The following PSMG2 variants were observed in gnomAD, a reference collection of about 807,000 sequenced individuals.
PSMG2 encodes proteasome assembly chaperone 2.
In PSMG2, 21 loss-of-function variants were observed where a neutral mutation model predicts 31.5. The observed-to-expected ratio is 0.67, with a 90% CI of 0.47 to 0.96. PSMG2 has a LOEUF of 0.96. Ranked by LOEUF, PSMG2 falls within the 40% of genes least tolerant of loss-of-function variation. The pLI is 0.00. For synonymous variants in PSMG2, 120 were observed against 110.4 expected, an observed-to-expected ratio of 1.09 and a Z score of -0.54; for missense variants, 318 against 321.2, an observed-to-expected ratio of 0.99 and a Z score of 0.08.
rs2040347065 is a variant in PSMG2 at position 12,713,164 on chromosome 18, A to AGT, written c.288+407_288+408dup. The stretch of plus-strand genomic sequence containing the variant: ...CCACTGCTGTCATTGAGTGCAAACC[A>AGT]GTGTCATCTTCATGCCCCTGACTAA... On this transcript the variant is annotated intron_variant, in intron 3 of 6. Coordinates refer to ENST00000317615, the MANE Select transcript of PSMG2 (RefSeq NM_020232.5). Among the ~76,000 whole-genome samples, 4 of 152,330 alleles carry AGT rather than the reference A, an allele frequency of 2.6e-5. No individual in the cohort carries two copies. In the South Asian group the frequency reaches 8.3e-4, roughly 32 times the overall value.
At chr18:12,666,750 A>C (rs8083217) in intron 1 of PSMG2, among the ~76,000 whole-genome samples, 55,454 of 145,588 alleles carry the variant, frequency 0.38, 10,646 homozygotes, top group Non-Finnish European at 0.45. Context: ...CACCCGGCCA[A>C]AAAAAAAAAA....
In PSMG2 at chr18:12,693,665, C is replaced by A. The variant is rs1173035278; in HGVS notation, c.-36-12885C>A. Among the ~76,000 whole-genome samples, 3 of 152,082 alleles carry A rather than the reference C, an allele frequency of 2.0e-5. No homozygotes were observed. The East Asian group carries it at 5.8e-4, about 29-fold the overall frequency. ...GGGCGTGGTGGCACCCACCTGTAGT[C>A]CCAGCTACTCAGGAGACTGAGGCAG... On this transcript the variant is annotated intron_variant, in intron 1 of 6. Transcript: ENST00000585331.
At chr18:12,724,364 G>A in intron 5 of PSMG2, 135 bp from the exon 6 acceptor site, 2 of 871,018 alleles carry the variant, frequency 2.3e-6, no homozygotes, top group Admixed American at 3.7e-5. Context: ...GAAGGGAGAT[G>A]ATAAGTGATC....
intron 1 of PSMG2, among the ~76,000 whole-genome samples, chr18:12,682,171 T>C (rs1598629412): frequency 2.6e-5 from 4 of 152,264 alleles, no homozygotes; most frequent in East Asian, 1.9e-4. Flanking sequence ...TCTTTTTTTT[T>C]TCCTCTCTTT....
chr18:12,697,161 A>G, intron 1 of PSMG2: 1 of 1,187,514 alleles, frequency 8.4e-7, no homozygotes, highest in Non-Finnish European at 1.2e-6. Flanking sequence ...AAAGATATAA[A>G]ATATATTTAC....
At chr18:12,701,118 G>A, upstream of PSMG2, 2 of 1,604,132 alleles carry the variant, frequency 1.2e-6, no homozygotes, top group Non-Finnish European at 1.7e-6. Context: ...ATCCATCTAT[G>A]TAGAAAACTC....
chr18:12,666,848 A>G (rs1808299969), intron 1 of PSMG2, among the ~76,000 whole-genome samples: 1 of 152,174 alleles, frequency 6.6e-6, no homozygotes, highest in South Asian at 2.1e-4. Flanking sequence ...CAGGTTTATC[A>G]AAACTGAAGA....
chr18:12,678,015 A>G (rs2039206221), intron 1 of PSMG2: 2 of 921,336 alleles, frequency 2.2e-6, no homozygotes, highest in Non-Finnish European at 3.4e-6. Flanking sequence ...GTTCAGGGCT[A>G]GAATAGTGAC....
intron 1 of PSMG2, chr18:12,672,626 C>G (rs2038977192): frequency 1.0e-6 from 1 of 980,178 alleles, no homozygotes; most frequent in Non-Finnish European, 1.2e-6. Flanking sequence ...CACAGAAAAT[C>G]AGTGATCGAC....
chr18:12,720,476 G>A, intron 4 of PSMG2, 34 bp from the exon 5 acceptor site: 5 of 1,505,426 alleles, frequency 3.3e-6, no homozygotes, highest in Non-Finnish European at 4.5e-6. Flanking sequence ...TTGCTTTAGA[G>A]TTTTTAAAAA....
chr18:12,712,701 G>A lies in PSMG2; in HGVS notation c.230-1G>A, dbSNP rs777219284. 5.7e-6 allele frequency: 9 copies of A among 1,591,092 alleles called. No homozygotes were observed. In the Admixed American group the frequency reaches 1.3e-4, roughly 24 times the overall value. ...ATTTCATTTTCTTCTTGTTTTTATA[G>A]TGTATTCATTGCCTTCAAGAAAGCT... On this transcript the variant is annotated splice_acceptor_variant, in intron 2 of 6. Coordinates refer to ENST00000317615, the MANE Select transcript of PSMG2 (RefSeq NM_020232.5). LOFTEE classifies it high-confidence loss of function.
At chr18:12,664,441 T>C (rs1324423799) in intron 1 of PSMG2, among the ~76,000 whole-genome samples, 1 of 151,806 alleles carries the variant, frequency 6.6e-6, no homozygotes, top group African/African-American at 2.4e-5. Context: ...TCCCAGCTAC[T>C]CAGGAGGCTG....
chr18:12,697,807 C>A (rs1263567557), intron 1 of PSMG2, among the ~76,000 whole-genome samples: 1 of 150,130 alleles, frequency 6.7e-6, no homozygotes, highest in East Asian at 1.9e-4. Flanking sequence ...TGACATACAA[C>A]TGAAAAATAC....
chr18:12,685,510 A>G (rs770334180), intron 1 of PSMG2: 3 of 152,130 alleles, frequency 2.0e-5, no homozygotes, highest in Non-Finnish European at 4.4e-5. Flanking sequence ...TTGTGTATTG[A>G]TATTTAAATG....
At chr18:12,666,687 G>A (rs949943610) in intron 1 of PSMG2, among the ~76,000 whole-genome samples, 3 of 150,624 alleles carry the variant, frequency 2.0e-5, no homozygotes, top group African/African-American at 7.3e-5. Flanking sequence ...TCACTCAATT[G>A]ATCTACCTGC....
intron 1 of PSMG2, among the ~76,000 whole-genome samples, chr18:12,660,374 G>A (rs2038671917): frequency 6.6e-6 from 1 of 150,988 alleles, no homozygotes; most frequent in African/African-American, 2.4e-5. Context: ...CCAGGCTAGG[G>A]TCAGTGCCGC....
chr18:12,718,734 C>T (rs943688682), intron 4 of PSMG2, 99 bp downstream of exon 4: 14 of 784,996 alleles, frequency 1.8e-5, no homozygotes, highest in African/African-American at 1.6e-4. Flanking sequence ...AGATCCTTAC[C>T]TCTTCTTACT....
At chr18:12,695,511 C>T (rs1231822206) in intron 1 of PSMG2, among the ~76,000 whole-genome samples, 2 of 151,946 alleles carry the variant, frequency 1.3e-5, no homozygotes, top group African/African-American at 4.8e-5. Context: ...TAAAATGAAC[C>T]AAATCAATTT....
intron 2 of PSMG2, among the ~76,000 whole-genome samples, chr18:12,707,565 A>G (rs1161638374): frequency 6.6e-6 from 1 of 152,140 alleles, no homozygotes; most frequent in Non-Finnish European, 1.5e-5. Context: ...CATACTGTAA[A>G]TCTTTGTAAT....
Sources: allele counts gnomAD v4.1 joint callset (sites outside exome capture counted in the v4.1 genomes callset), GRCh38; gene constraint gnomAD v4.1.1; transcripts MANE v1.5; gene names NCBI Gene and HGNC (gene_info 2026-07-23, HGNC 2026-07-21).